EPB41L4B: variants seen among roughly 807,000 people sequenced by gnomAD.
EPB41L4B encodes the protein erythrocyte membrane protein band 4.1 like 4B.
In EPB41L4B, 30 loss-of-function variants were observed where a neutral mutation model predicts 112.5. That is an observed-to-expected ratio of 0.27 (90% CI 0.20 to 0.36). The LOEUF (loss-of-function observed/expected upper bound fraction) is 0.36, where lower values mean the gene tolerates loss of function less well. Among genes scored for constraint, EPB41L4B ranks in the 10% least tolerant of loss-of-function variants. The probability of loss-of-function intolerance (pLI) is 1.00; values close to 1 mark genes in which losing one functional copy is unlikely to be tolerated. For missense variants in EPB41L4B, 1,024 were observed against 1,133.3 expected, an observed-to-expected ratio of 0.90 and a Z score of 1.38; for synonymous variants, 408 against 439.7, an observed-to-expected ratio of 0.93 and a Z score of 0.90.
chr9:109,176,031 TTGTCAATATCACACACACGCACACACACA>T (rs1564244114), intron 25 of EPB41L4B, among the ~76,000 whole-genome samples: 3 of 55,748 alleles, frequency 5.4e-5, no homozygotes, highest in African/African-American at 2.1e-4. Context: ...TCCCTATCCC[TTGTCAATATCACACACACGCACACACACA>T]CACACACACA....
intron 1 of EPB41L4B, among the ~76,000 whole-genome samples, chr9:109,280,935 G>C (rs970204865): frequency 6.6e-6 from 1 of 151,918 alleles, no homozygotes; most frequent in Non-Finnish European, 1.5e-5. Flanking sequence ...AAGAGTAGAC[G>C]GCAGCATATG....
chr9:109,206,234 A>G (rs1832988416), intron 18 of EPB41L4B, among the ~76,000 whole-genome samples: 1 of 152,148 alleles, frequency 6.6e-6, no homozygotes, highest in African/African-American at 2.4e-5. Flanking sequence ...CCCAGGCTAC[A>G]GTGCAGTGGA....
chr9:109,177,920 C>T (rs1418359095), intron 24 of EPB41L4B, among the ~76,000 whole-genome samples: 1 of 151,920 alleles, frequency 6.6e-6, no homozygotes, highest in Non-Finnish European at 1.5e-5. Flanking sequence ...CTCTCTTTCT[C>T]TCTCTCTTTC....
chr9:109,244,537 C>G (rs892373529), intron 14 of EPB41L4B, among the ~76,000 whole-genome samples: 1 of 139,690 alleles, frequency 7.2e-6, no homozygotes, highest in Non-Finnish European at 1.5e-5. Flanking sequence ...CTCCTGGGTT[C>G]AAGCGATTCT....
chr9:109,309,680 G>A (rs1180406396), intron 1 of EPB41L4B, among the ~76,000 whole-genome samples: 3 of 152,052 alleles, frequency 2.0e-5, no homozygotes, highest in Non-Finnish European at 4.4e-5. Context: ...TGGGAGAATT[G>A]CTTGAGGCCA....
intron 12 of EPB41L4B, among the ~76,000 whole-genome samples, chr9:109,252,341 G>A (rs1834819806): frequency 6.6e-6 from 1 of 152,214 alleles, no homozygotes; most frequent in East Asian, 1.9e-4. Flanking sequence ...TCATGGAACA[G>A]AACAGAGAGC....
At chr9:109,272,144 G>A (rs1419065027) in intron 2 of EPB41L4B, among the ~76,000 whole-genome samples, 2 of 152,100 alleles carry the variant, frequency 1.3e-5, no homozygotes, top group African/African-American at 4.8e-5. Flanking sequence ...TCTAGGACCT[G>A]CAAATTTTCT....
intron 4 of EPB41L4B, among the ~76,000 whole-genome samples, chr9:109,265,876 T>C (rs1304469121): frequency 5.9e-5 from 9 of 152,312 alleles, no homozygotes. Context: ...GTGTTTCTGA[T>C]TCACACAACC....
rs937345307 is a variant in EPB41L4B, at chr9:109,233,748, T to C, written c.1409+9870A>G. On this transcript the variant is annotated intron_variant, in intron 15 of 25. Transcript: ENST00000374566. ...GGTTTTGCCATGCTGGCTAGGCTAGTCTTGAACTCCTGACCTCAGGCGATC... is the reference window on the plus strand; with the variant it reads ...GGTTTTGCCATGCTGGCTAGGCTAGCCTTGAACTCCTGACCTCAGGCGATC... 2.6e-5 allele frequency among the ~76,000 whole-genome samples: 4 copies of C among 152,142 alleles called. No individual in the cohort carries two copies. The East Asian group carries it at 7.7e-4, about 29-fold the overall frequency.
rs1564241679 is a variant in EPB41L4B, at chr9:109,173,411, G to GATT, written c.*1142_*1143insAAT. The GATT allele has an allele frequency of 1.3e-5, 2 of 149,526 alleles. No individual in the cohort carries two copies. Among genetic ancestry groups the GATT allele is most frequent in the Non-Finnish European group, 3.0e-5 (2 of 67,212 alleles). The allele number at this position is 149,526 out of a possible 1,614,324, so 9.3% of individuals were successfully genotyped here. A position where few individuals can be genotyped will look rare whatever the true frequency, so the allele number is the denominator to read the frequency against. ...AGGGAATAATCCAAAAGAAGGAGCA[G>GATT]TTTTTTTTTTTTACAGACATTCATA... On this transcript the variant is annotated 3_prime_UTR_variant, in exon 26 of 26. Coordinates refer to ENST00000374566, the MANE Select transcript of EPB41L4B (RefSeq NM_019114.5).
intron 24 of EPB41L4B, 138 bp from the exon 25 acceptor site, chr9:109,176,834 T>A (rs758479431): frequency 6.5e-5 from 64 of 990,186 alleles, no homozygotes; most frequent in Non-Finnish European, 8.7e-5. Context: ...TTTAAGTGAT[T>A]TTACTTTGTG....
At chr9:109,218,114 A>C (rs1462290119) in intron 15 of EPB41L4B, among the ~76,000 whole-genome samples, 1 of 142,442 alleles carries the variant, frequency 7.0e-6, no homozygotes, top group Non-Finnish European at 1.5e-5. Flanking sequence ...TATATCTCTA[A>C]TACTAATAAT....
intron 1 of EPB41L4B, among the ~76,000 whole-genome samples, chr9:109,314,664 A>G (rs1837567781): frequency 6.6e-6 from 1 of 152,114 alleles, no homozygotes; most frequent in South Asian, 2.1e-4. Context: ...TTCTTTTAAA[A>G]CAAAGAAGGC....
intron 1 of EPB41L4B, among the ~76,000 whole-genome samples, chr9:109,284,991 C>T (rs1469278756): frequency 1.3e-5 from 2 of 152,232 alleles, no homozygotes; most frequent in African/African-American, 2.4e-5. Context: ...GAAACCTGTG[C>T]TCTAGTCCCA....
At chr9:109,281,618 G>C (rs993910394) in intron 1 of EPB41L4B, among the ~76,000 whole-genome samples, 18 of 152,088 alleles carry the variant, frequency 1.2e-4, no homozygotes, top group Non-Finnish European at 2.2e-4. Flanking sequence ...CGGGGAGGTG[G>C]AAGTTGCAGC....
chr9:109,263,184 A>G (rs1310825048), intron 5 of EPB41L4B, 82 bp from the exon 6 acceptor site: 2 of 971,408 alleles, frequency 2.1e-6, no homozygotes, highest in African/African-American at 3.3e-5. Context: ...CATTTTTCAA[A>G]AGGTAGCGCT....
intron 2 of EPB41L4B, among the ~76,000 whole-genome samples, chr9:109,278,276 G>T (rs1446298086): frequency 2.0e-5 from 3 of 152,160 alleles, no homozygotes; most frequent in Non-Finnish European, 2.9e-5. Flanking sequence ...ACAGTTTGGG[G>T]GTGGGGTGGG....
intron 24 of EPB41L4B, among the ~76,000 whole-genome samples, chr9:109,177,088 A>G (rs1251169130): frequency 2.0e-5 from 3 of 152,206 alleles, no homozygotes; most frequent in South Asian, 2.1e-4. Flanking sequence ...TATATTTTAA[A>G]ACTGATTTTA....
rs1485726370 is a variant in EPB41L4B, at chr9:109,174,325, A to G, written c.*229T>C. 22 of 465,384 alleles carry G rather than the reference A, an allele frequency of 4.7e-5. No homozygotes were observed. Among genetic ancestry groups the G allele is most frequent in the Non-Finnish European group, 8.6e-5 (22 of 256,718 alleles). 28.8% of individuals were successfully genotyped at this position (465,384 alleles called of 1,614,324 possible). ...TTCCCATCTTTCTTTTCCTAGACTT[A>G]TCAAATCCTGTCTCAACTACATAGA... On this transcript the variant is annotated 3_prime_UTR_variant, in exon 26 of 26. Coordinates refer to ENST00000374566, the MANE Select transcript of EPB41L4B (RefSeq NM_019114.5).
Sources: allele counts gnomAD v4.1 joint callset (sites outside exome capture counted in the v4.1 genomes callset), GRCh38; gene constraint gnomAD v4.1.1; transcripts MANE v1.5; gene names NCBI Gene and HGNC (gene_info 2026-07-23, HGNC 2026-07-21).